DENND4C: variants seen among roughly 807,000 people sequenced by gnomAD.
DENND4C encodes DENN domain containing 4C.
A neutral mutation model predicts 203.0 loss-of-function variants in DENND4C; 108 were observed. The observed-to-expected ratio is 0.53, with a 90% CI of 0.46 to 0.62. The LOEUF (loss-of-function observed/expected upper bound fraction) is 0.62, where lower values mean the gene tolerates loss of function less well. Among genes scored for constraint, DENND4C ranks in the 20% least tolerant of loss-of-function variants. The pLI is 0.00. For synonymous variants in DENND4C, 871 were observed against 792.4 expected (o/e 1.10, Z -1.67); for missense variants, 2,481 against 2,301.2 (o/e 1.08, Z -1.60).
chr9:19,240,678 A>C (rs1823453620), intron 1 of DENND4C, among the ~76,000 whole-genome samples: 1 of 150,934 alleles, frequency 6.6e-6, no homozygotes, highest in South Asian at 2.1e-4. Flanking sequence ...AAAACAAAAA[A>C]AAAAAAGGCC....
intron 24 of DENND4C, among the ~76,000 whole-genome samples, 192 bp from the exon 25 acceptor site, chr9:19,351,881 G>GT (rs1426409268): frequency 6.6e-6 from 1 of 151,580 alleles, no homozygotes; most frequent in Non-Finnish European, 1.5e-5. Context: ...GAACAATCAT[G>GT]TATTTTCCAC....
At chr9:19,256,783 A>C (rs879702761) in intron 1 of DENND4C, among the ~76,000 whole-genome samples, 30 of 152,236 alleles carry the variant, frequency 2.0e-4, no homozygotes, top group Admixed American at 5.9e-4. Flanking sequence ...AAAGGAAATA[A>C]AACAAGGCCG....
At chr9:19,292,834 A>G (rs559502650) in intron 5 of DENND4C, among the ~76,000 whole-genome samples, 64 of 152,204 alleles carry the variant, frequency 4.2e-4, no homozygotes, top group South Asian at 6.2e-4. Flanking sequence ...GTGTCAGCCA[A>G]TGCGCCCAGC....
chr9:19,319,439 T>TATATATATACATATATATATACACAC (rs1842507551), intron 12 of DENND4C, among the ~76,000 whole-genome samples: 1 of 142,832 alleles, frequency 7.0e-6, no homozygotes, highest in Non-Finnish European at 1.5e-5. Flanking sequence ...TATACACACA[T>TATATATATACATATATATATACACAC]ATATATATAC....
chr9:19,361,987 A>G (rs745391996), intron 30 of DENND4C, 24 bp downstream of exon 30: 28 of 1,462,840 alleles, frequency 1.9e-5, no homozygotes, highest in Non-Finnish European at 2.7e-5. Context: ...AATTAAAGAC[A>G]TAACAGCCAG....
At chr9:19,251,855 C>G (rs546632903) in intron 1 of DENND4C, among the ~76,000 whole-genome samples, 1 of 152,318 alleles carries the variant, frequency 6.6e-6, no homozygotes, top group East Asian at 1.9e-4. Context: ...GTCCATATCA[C>G]GATCAGCATT....
At chr9:19,247,925 A>G (rs991979127) in intron 1 of DENND4C, among the ~76,000 whole-genome samples, 2 of 152,028 alleles carry the variant, frequency 1.3e-5, no homozygotes, top group African/African-American at 4.8e-5. Flanking sequence ...CCTTCAAACT[A>G]TATCCCCAAT....
At chr9:19,357,434 G>T (rs1024613291) in intron 27 of DENND4C, 3 of 334,252 alleles carry the variant, frequency 9.0e-6, no homozygotes, top group South Asian at 4.5e-5. Flanking sequence ...TTCCAGAGGC[G>T]AAATGTTCTC....
chr9:19,340,482 A>T (rs1821354314), intron 20 of DENND4C, among the ~76,000 whole-genome samples: 1 of 150,394 alleles, frequency 6.6e-6, no homozygotes, highest in South Asian at 2.1e-4. Flanking sequence ...TTTTTTTTTT[A>T]ACATGCAGAA....
intron 24 of DENND4C, among the ~76,000 whole-genome samples, chr9:19,351,563 T>C (rs1824121678): frequency 3.9e-5 from 6 of 152,100 alleles, no homozygotes; most frequent in Admixed American, 3.9e-4. Context: ...ATCCTAGCAC[T>C]TCGGGAGGCA....
rs1266119304 is a variant in DENND4C, at chr9:19,356,788, T to TGTGAGAGAGA, written c.4782-183_4782-182insTGAGAGAGAG. 7.0e-3 allele frequency among the ~76,000 whole-genome samples: 985 copies of TGTGAGAGAGA among 140,368 alleles called. 7 individuals are homozygous for TGTGAGAGAGA. The highest frequency in any genetic ancestry group is 0.024 in the African/African-American group (858 of 35,560). The allele number at this position is 140,368 out of a possible 152,430, so 92.1% of individuals were successfully genotyped here. The stretch of plus-strand genomic sequence containing the variant: ...GAGAGCAGGAATGTGTGTGTGTGTG[T>TGTGAGAGAGA]GAGAGAGAGAGAGAGAGAGAGAGAG... On this transcript the variant is annotated intron_variant, in intron 26 of 32. Transcript: ENST00000434457.
chr9:19,310,913 A>T lies in DENND4C; in HGVS notation c.1487+5386A>T, dbSNP rs150867118. On this transcript the variant is annotated intron_variant, in intron 10 of 32. Transcript: ENST00000434457. ...CAGTCCTTGTATTCCTGAAATAAAC[A>T]TCATTATAGTGGATTAAATTTGCTA... Among the ~76,000 whole-genome samples the T allele has an allele frequency of 2.7e-3, 415 of 152,340 alleles. 2 individuals carry two copies. Among genetic ancestry groups the T allele is most frequent in the South Asian group, 0.019 (93 of 4,832 alleles).
intron 2 of DENND4C, among the ~76,000 whole-genome samples, chr9:19,281,148 A>G (rs1278873141): frequency 6.6e-6 from 1 of 152,198 alleles, no homozygotes; most frequent in Non-Finnish European, 1.5e-5. Flanking sequence ...TTGTGATACA[A>G]CTTAAAAATA....
Position 19,328,049 on chromosome 9 carries a change from C to T in DENND4C, c.2140C>T (p.Leu714=), listed in dbSNP as rs1818194864. 6.2e-7 allele frequency: 1 copy of T among 1,608,032 alleles called. No homozygotes were observed. The highest frequency in any genetic ancestry group is 8.5e-7 in the Non-Finnish European group (1 of 1,178,074). The change falls in exon 16 of 33, where the codon CTG becomes TTG. Residue 714 remains leucine, a synonymous_variant. Coordinates refer to ENST00000434457, the MANE Select transcript of DENND4C (RefSeq NM_001330640.2). ...TTTTAGTTACAAATACTTTCCAAGA[C>T]TGGACCTTAAGCTTTTTGACAGACC... The part of the protein sequence containing the change: ...PKYSYKYFPR[L]DLKLFDRPQE...
rs1374471255 is a variant in DENND4C at position 19,319,323 on chromosome 9, T to C, written c.1807+2484T>C. 3.0e-4 allele frequency among the ~76,000 whole-genome samples: 13 copies of C among 43,072 alleles called. 2 individuals are homozygous for C. The highest frequency in any genetic ancestry group is 6.5e-4 in the African/African-American group (12 of 18,388). 28.3% of individuals were successfully genotyped at this position (43,072 alleles called of 152,430 possible). A position where few individuals can be genotyped will look rare whatever the true frequency, so the allele number is the denominator to read the frequency against. ...ATATACACATATATACACACATATA[T>C]ATACATATATATACACATATATATA... On this transcript the variant is annotated intron_variant, in intron 12 of 32. Coordinates refer to ENST00000434457, the MANE Select transcript of DENND4C (RefSeq NM_001330640.2).
chr9:19,244,750 A>C (rs966548145), intron 1 of DENND4C, among the ~76,000 whole-genome samples: 1 of 151,888 alleles, frequency 6.6e-6, no homozygotes, highest in African/African-American at 2.4e-5. Flanking sequence ...AAAAAAAAAA[A>C]AAAAAGTAGT....
chr9:19,233,820 T>G (rs527287786), intron 1 of DENND4C, among the ~76,000 whole-genome samples: 1 of 152,300 alleles, frequency 6.6e-6, no homozygotes, highest in African/African-American at 2.4e-5. Flanking sequence ...TGATGTCAGG[T>G]GATCCACCTG....
chr9:19,298,283 C>T (rs534827983), intron 7 of DENND4C, among the ~76,000 whole-genome samples, 161 bp downstream of exon 7: 1 of 152,164 alleles, frequency 6.6e-6, no homozygotes, highest in South Asian at 2.1e-4. Flanking sequence ...CCCTTTCTTA[C>T]TGGGTTTTGG....
In DENND4C at chr9:19,300,192, C is replaced by G; in HGVS notation, c.1172C>G (p.Ala391Gly). ...TTTCTCTTTTTTTTCCCTAGTGGAG[C>G]CAACTTTAGCACCTTGCTAATGAAT... Reference protein sequence around the residue: ...PVSTPLPLSGANFSTLLMNLG... With the variant: ...PVSTPLPLSGGNFSTLLMNLG... Residue 391 changes from alanine to glycine, a missense_variant, in exon 9 of 33, where the codon GCC (alanine) becomes GGC (glycine). This residue lies in a region of DENND4C where 2,289 missense variants were observed against 2,113.3 expected (regional missense o/e 1.08). Transcript: ENST00000434457. The G allele has an allele frequency of 6.3e-7, 1 of 1,591,440 alleles. No homozygotes were observed. Among genetic ancestry groups the G allele is most frequent in the Non-Finnish European group, 8.6e-7 (1 of 1,164,392 alleles).
Sources: allele counts gnomAD v4.1 joint callset (sites outside exome capture counted in the v4.1 genomes callset), GRCh38; gene constraint gnomAD v4.1.1; regional missense constraint gnomAD v4.1.1; transcripts MANE v1.5; gene names NCBI Gene and HGNC (gene_info 2026-07-23, HGNC 2026-07-21).